CAPS2: variants seen among roughly 807,000 people sequenced by gnomAD.
The protein encoded by CAPS2 is calcyphosine 2.
Under a neutral mutation model 86.5 loss-of-function variants are expected in CAPS2, and 98 were observed. The ratio of observed to expected loss-of-function variants is 1.13; its 90% CI spans 0.96 to 1.34. CAPS2 has a LOEUF of 1.34. CAPS2 is among the 40% of genes most tolerant of loss of function. The pLI, the probability that CAPS2 is intolerant of heterozygous loss-of-function variation, is 0.00. For synonymous variants in CAPS2, 210 were observed against 225.1 expected (o/e 0.93, Z 0.60); for missense variants, 729 against 686.8 (o/e 1.06, Z -0.69).
At chr12:75,308,422 T>G (rs747472848) in intron 7 of CAPS2, among the ~76,000 whole-genome samples, 28 of 152,188 alleles carry the variant, frequency 1.8e-4, no homozygotes, top group Non-Finnish European at 2.6e-4. Flanking sequence ...AATCAGGCCC[T>G]TGAGCCACTT....
chr12:75,355,122 G>A (rs1466239528), intron 1 of CAPS2, among the ~76,000 whole-genome samples: 1 of 152,046 alleles, frequency 6.6e-6, no homozygotes, highest in Non-Finnish European at 1.5e-5. Flanking sequence ...AAGCAAAAAT[G>A]GATAAATGGG....
At chr12:75,282,190 G>T (rs766691480) in intron 16 of CAPS2, 61 bp downstream of exon 16, 8 of 925,332 alleles carry the variant, frequency 8.6e-6, no homozygotes, top group Non-Finnish European at 1.4e-5. Context: ...TTAATATAAA[G>T]ATATTATCTT....
rs1224070709 is a variant in CAPS2 at position 75,369,954 on chromosome 12, C to T, written c.-395+20884G>A. 7.1e-6 allele frequency: 8 copies of T among 1,121,194 alleles called. No individual in the cohort carries two copies. In the Admixed American group the frequency reaches 1.3e-4, roughly 18 times the overall value. 69.5% of individuals were successfully genotyped at this position (1,121,194 alleles called of 1,614,324 possible). A position where few individuals can be genotyped will look rare whatever the true frequency, so the allele number is the denominator to read the frequency against. On this transcript the variant is annotated intron_variant, in intron 1 of 5. Coordinates refer to the CAPS2 transcript ENST00000551829. ...TTTATAATATTAACTTTAATTTTTACTTTAGGGACTCCACAACTTATTATA... is the reference window on the plus strand; with the variant it reads ...TTTATAATATTAACTTTAATTTTTATTTTAGGGACTCCACAACTTATTATA...
upstream of CAPS2, chr12:75,334,888 G>A (rs1002715252): frequency 7.4e-6 from 12 of 1,613,672 alleles, no homozygotes; most frequent in Middle Eastern, 1.6e-4. Flanking sequence ...TCCCGCGGCC[G>A]ACATGAAATA....
At chr12:75,359,355 G>GTTTTTTTTTTTT (rs1463566931) in intron 1 of CAPS2, among the ~76,000 whole-genome samples, 4 of 46,432 alleles carry the variant, frequency 8.6e-5, no homozygotes, top group African/African-American at 1.7e-4. Context: ...CAGCATTGTT[G>GTTTTTTTTTTTT]TCTTTTTTTT....
At chr12:75,305,775 TGGTGA>T in intron 7 of CAPS2, 1 of 716,550 alleles carries the variant, frequency 1.4e-6, no homozygotes, top group East Asian at 3.1e-5. Flanking sequence ...TTTCCAGACA[TGGTGA>T]AGGATGTCGT....
intron 1 of CAPS2, among the ~76,000 whole-genome samples, chr12:75,366,053 C>G (rs1017412730): frequency 4.6e-5 from 7 of 152,082 alleles, no homozygotes; most frequent in Non-Finnish European, 1.0e-4. Flanking sequence ...TCTAATGTTA[C>G]TTTACAAAGA....
chr12:75,308,929 T>TAAG (rs980004601), intron 7 of CAPS2, among the ~76,000 whole-genome samples: 1 of 103,566 alleles, frequency 9.7e-6, no homozygotes, highest in Non-Finnish European at 2.0e-5. Flanking sequence ...AAAAAGGGGG[T>TAAG]AAGGAGCCCC....
At chr12:75,308,974 G>C (rs988873233) in intron 7 of CAPS2, among the ~76,000 whole-genome samples, 1 of 151,666 alleles carries the variant, frequency 6.6e-6, no homozygotes, top group African/African-American at 2.4e-5. Context: ...ACCTGTCAGG[G>C]GCAGCTCCTC....
chr12:75,341,502 A>G (rs1403046911), intron 1 of CAPS2, among the ~76,000 whole-genome samples: 1 of 152,032 alleles, frequency 6.6e-6, no homozygotes, highest in African/African-American at 2.4e-5. Context: ...GCTGGAATGC[A>G]GTGGCGCTGT....
chr12:75,329,971 A>G, upstream of CAPS2: 2 of 1,000,632 alleles, frequency 2.0e-6, no homozygotes, highest in Non-Finnish European at 3.0e-6. Flanking sequence ...GAAGAGTTGG[A>G]AAAGGTATAA....
chr12:75,334,829 T>C (rs1241844641), upstream of CAPS2: 3 of 1,613,988 alleles, frequency 1.9e-6, no homozygotes, highest in Admixed American at 1.7e-5. Flanking sequence ...CCACACTTTA[T>C]AGACAACTGC....
chr12:75,339,374 G>GT (rs928035068), intron 1 of CAPS2, among the ~76,000 whole-genome samples: 6 of 151,808 alleles, frequency 4.0e-5, no homozygotes, highest in African/African-American at 9.7e-5. Context: ...TTTTTCATTT[G>GT]TTTTTTTGGC....
intron 1 of CAPS2, among the ~76,000 whole-genome samples, chr12:75,344,643 T>C (rs1233626693): frequency 6.6e-6 from 1 of 152,106 alleles, no homozygotes; most frequent in African/African-American, 2.4e-5. Context: ...TGAATCGAAT[T>C]TTCTTCCATC....
downstream of CAPS2, chr12:75,276,911 A>C: frequency 1.0e-6 from 1 of 984,568 alleles, no homozygotes. Context: ...GGATTTCAAA[A>C]GTCAGTTGTG....
chr12:75,290,101 T>G (rs191129422), intron 13 of CAPS2, among the ~76,000 whole-genome samples: 1 of 152,206 alleles, frequency 6.6e-6, no homozygotes, highest in Non-Finnish European at 1.5e-5. Flanking sequence ...GATTTTGTTG[T>G]GTAGACAACC....
At chr12:75,343,574 GA>G in intron 1 of CAPS2, 1 of 791,894 alleles carries the variant, frequency 1.3e-6, no homozygotes, top group Non-Finnish European at 1.9e-6. Flanking sequence ...AAATACCAAA[GA>G]AAAACTACAT....
intron 1 of CAPS2, among the ~76,000 whole-genome samples, chr12:75,372,717 C>T (rs138883382): frequency 4.8e-4 from 73 of 152,160 alleles, no homozygotes; most frequent in African/African-American, 1.5e-3. Context: ...ACCTAATTGG[C>T]GTAATTATGA....
chr12:75,295,747 A>G (rs372634972), intron 11 of CAPS2, among the ~76,000 whole-genome samples: 4 of 152,348 alleles, frequency 2.6e-5, no homozygotes, highest in African/African-American at 9.6e-5. Context: ...TACACATATA[A>G]GGTCAGGACT....
Sources: gnomAD v4.1 joint callset for allele counts (sites outside exome capture counted in the v4.1 genomes callset) on GRCh38, gnomAD v4.1.1 for gene constraint, MANE v1.5 for transcripts, NCBI Gene and HGNC (gene_info 2026-07-23, HGNC 2026-07-21) for gene names.